Variants in SNX9 observed in about 807,000 individuals in gnomAD.
The protein encoded by SNX9 is sorting nexin-9.
In SNX9, 44 loss-of-function variants were observed where a neutral mutation model predicts 89.4. That is an observed-to-expected ratio of 0.49 (90% CI 0.39 to 0.63). The LOEUF is 0.63. Among genes scored for constraint, SNX9 ranks in the 30% least tolerant of loss-of-function variants. The pLI, the probability that SNX9 is intolerant of heterozygous loss-of-function variation, is 0.00. For synonymous variants in SNX9, 236 were observed against 247.8 expected (o/e 0.95, Z 0.45); for missense variants, 578 against 736.1 (o/e 0.79, Z 2.49).
At chr6:157,930,225 C>G (rs1446378126) in intron 12 of SNX9, among the ~76,000 whole-genome samples, 1 of 152,210 alleles carries the variant, frequency 6.6e-6, no homozygotes, top group Non-Finnish European at 1.5e-5. Context: ...AACAAAACAA[C>G]TTGTAGCATA....
intron 4 of SNX9, among the ~76,000 whole-genome samples, chr6:157,885,625 G>A (rs754501840): frequency 1.6e-4 from 25 of 152,172 alleles, no homozygotes; most frequent in Admixed American, 3.3e-4. Context: ...AAGATGGGCC[G>A]TGGCATGATA....
rs1055886496 is a variant in SNX9, at chr6:157,823,732, C to T, written c.12+286C>T. ...GAGGTTTGGGAAGTTTGCACCTGAG[C>T]GTGGGCTGCGGCGGGCTCGCCGGGA... On this transcript the variant is annotated intron_variant, in intron 1 of 17. Transcript: ENST00000392185. The surrounding 1 kb of genome is among the most constrained non-coding windows in gnomAD (Gnocchi z 4.6). Among the ~76,000 whole-genome samples, 7 of 151,850 alleles carry T rather than the reference C, an allele frequency of 4.6e-5. No homozygotes were observed. Among genetic ancestry groups the T allele is most frequent in the Non-Finnish European group, 8.8e-5 (6 of 67,920 alleles).
At chr6:157,941,821 A>G (rs1325002314) in intron 17 of SNX9, among the ~76,000 whole-genome samples, 3 of 152,246 alleles carry the variant, frequency 2.0e-5, no homozygotes, top group African/African-American at 7.2e-5. Flanking sequence ...TGTCTTGGAC[A>G]GTTGGTTTGG....
At chr6:157,940,838 G>A (rs560973824) in intron 16 of SNX9, 45 bp from the exon 17 acceptor site, 1 of 1,570,988 alleles carries the variant, frequency 6.4e-7, no homozygotes, top group East Asian at 2.2e-5. Context: ...GTTGTCATTT[G>A]AAAACTTGAG....
At chr6:157,838,699 CT>C in intron 1 of SNX9, among the ~76,000 whole-genome samples, 1 of 152,290 alleles carries the variant, frequency 6.6e-6, no homozygotes, top group East Asian at 1.9e-4. Context: ...GTGTTAAATA[CT>C]TGAAGGCATG....
chr6:157,889,064 G>A (rs1782798865), intron 4 of SNX9, among the ~76,000 whole-genome samples: 1 of 152,176 alleles, frequency 6.6e-6, no homozygotes, highest in East Asian at 1.9e-4. Flanking sequence ...CTGAGTGAAG[G>A]AGCCGAGGGG....
At chr6:157,942,582 C>G (rs1784062875) in intron 17 of SNX9, among the ~76,000 whole-genome samples, 1 of 152,284 alleles carries the variant, frequency 6.6e-6, no homozygotes. Context: ...GAAGGGACCA[C>G]CAGGGCCAGC....
rs1238514965 is a variant in SNX9 at position 157,893,463 on chromosome 6, C to G, written c.301-3364C>G. Among the ~76,000 whole-genome samples the G allele has an allele frequency of 3.9e-5, 6 of 152,290 alleles. No homozygotes were observed. In the East Asian group the frequency reaches 5.8e-4, roughly 15 times the overall value. On this transcript the variant is annotated intron_variant, in intron 4 of 17. Coordinates refer to ENST00000392185, the MANE Select transcript of SNX9 (RefSeq NM_016224.5). ...TTTGATGCACCTGGCACGTGACAGC[C>G]AGCTGTCTGCCCCATGTGTCGGTTG...
chr6:157,846,574 T>C (rs1238843055), intron 1 of SNX9, among the ~76,000 whole-genome samples: 3 of 152,246 alleles, frequency 2.0e-5, no homozygotes, highest in African/African-American at 7.2e-5. Flanking sequence ...AGTAATGTTC[T>C]TTACATACTT....
chr6:157,909,081 CAA>C (rs2115178398), intron 7 of SNX9, among the ~76,000 whole-genome samples: 1 of 152,208 alleles, frequency 6.6e-6, no homozygotes, highest in East Asian at 1.9e-4. Flanking sequence ...AGTAGTAAAA[CAA>C]TGACTATCAG....
At chr6:157,935,867 A>T in intron 13 of SNX9, 97 bp from the exon 14 acceptor site, 1 of 858,046 alleles carries the variant, frequency 1.2e-6, no homozygotes, top group Non-Finnish European at 1.7e-6. Context: ...GAAAGTTTCT[A>T]TAATAAAATT....
At chr6:157,855,528 G>A (rs1160902350) in intron 1 of SNX9, among the ~76,000 whole-genome samples, 1 of 152,206 alleles carries the variant, frequency 6.6e-6, no homozygotes, top group Non-Finnish European at 1.5e-5. Context: ...TACCAGCATG[G>A]TGTTAGCAGA....
At chr6:157,856,862 GGCAAGTAATGTCT>G (rs1208412086) in intron 1 of SNX9, among the ~76,000 whole-genome samples, 1 of 151,828 alleles carries the variant, frequency 6.6e-6, no homozygotes, top group Non-Finnish European at 1.5e-5. Flanking sequence ...TCCATCAGAA[GGCAAGTAATGTCT>G]GCTTGTCTTT....
At chr6:157,870,153 C>T (rs1051385825) in intron 2 of SNX9, among the ~76,000 whole-genome samples, 2 of 151,294 alleles carry the variant, frequency 1.3e-5, no homozygotes, top group African/African-American at 4.9e-5. Flanking sequence ...ACACACCCCT[C>T]ACTCACCTGC....
intron 3 of SNX9, among the ~76,000 whole-genome samples, chr6:157,873,472 C>CTATATTATAAATA (rs201037267): frequency 0.025 from 3,631 of 147,030 alleles, 159 homozygotes; most frequent in African/African-American, 0.086. Flanking sequence ...CTAATATTAT[C>CTATATTATAAATA]TATATTATAA....
At chr6:157,828,310 C>CAAAAAAAAAAAAA (rs371428014) in intron 1 of SNX9, among the ~76,000 whole-genome samples, 100 of 152,102 alleles carry the variant, frequency 6.6e-4, no homozygotes, top group African/African-American at 2.4e-3. Flanking sequence ...AAAAATGTTG[C>CAAAAAAAAAAAAA]AGTTTTTCTA....
intron 1 of SNX9, among the ~76,000 whole-genome samples, chr6:157,839,280 AAGCCT>A (rs990653947): frequency 6.6e-6 from 1 of 152,198 alleles, no homozygotes; most frequent in African/African-American, 2.4e-5. Context: ...TGTTACATAA[AAGCCT>A]ATTTCCCCTA....
At chr6:157,930,096 GA>G in intron 12 of SNX9, among the ~76,000 whole-genome samples, 1 of 152,288 alleles carries the variant, frequency 6.6e-6, no homozygotes, top group Non-Finnish European at 1.5e-5. Context: ...CTTTGCAGAG[GA>G]AGTTTGCCAG....
intron 2 of SNX9, among the ~76,000 whole-genome samples, chr6:157,870,334 T>C (rs1782372714): frequency 6.7e-6 from 1 of 148,914 alleles, no homozygotes; most frequent in Admixed American, 6.7e-5. Context: ...TCACCTGCGC[T>C]CACACTCACA....
Sources: gnomAD v4.1 joint callset for allele counts (sites outside exome capture counted in the v4.1 genomes callset) on GRCh38, gnomAD v4.1.1 for gene constraint, Gnocchi (gnomAD v3.1) non-coding constraint, MANE v1.5 for transcripts, NCBI Gene and HGNC (gene_info 2026-07-23, HGNC 2026-07-21) for gene names.